FAM228B: variants seen among roughly 807,000 people sequenced by gnomAD.
The protein encoded by FAM228B is protein FAM228B.
In FAM228B, 38 loss-of-function variants were observed where a neutral mutation model predicts 42.6. The ratio of observed to expected loss-of-function variants is 0.89; its 90% CI spans 0.69 to 1.17. FAM228B has a LOEUF of 1.17. Among genes scored for constraint, FAM228B ranks in the 50% most tolerant of loss-of-function variants. The pLI is 0.00. For missense variants in FAM228B, 344 were observed against 367.3 expected (o/e 0.94, Z 0.52); for synonymous variants, 109 against 122.3 (o/e 0.89, Z 0.72).
At position 24,104,484 on chromosome 2, in the gene FAM228B, G is replaced by A. The variant is rs1665667438; in HGVS notation, c.-121+9255G>A. Among the ~76,000 whole-genome samples, 3 of 152,326 alleles carry A rather than the reference G, an allele frequency of 2.0e-5. No individual in the cohort carries two copies. In the South Asian group the frequency reaches 6.2e-4, roughly 32 times the overall value. ...GGACTCAACACCAGCCTCTAGCCCA[G>A]TAGTCTCACTTCAGCCTGAACTCGG... On this transcript the variant is annotated intron_variant, in intron 3 of 10. Transcript: ENST00000613899.
chr2:24,107,829 T>G lies in FAM228B; in HGVS notation c.-121+12600T>G, dbSNP rs556115813. ...TAAATGCCCACATGAAACAGACAGA[T>G]CCCAAATTAACAACCTAATATTACA... is the stretch of plus-strand genomic sequence containing the variant. On this transcript the variant is annotated intron_variant, in intron 3 of 10. Transcript: ENST00000613899. 2.0e-5 allele frequency among the ~76,000 whole-genome samples: 3 copies of G among 151,972 alleles called. No homozygotes were observed. The East Asian group carries it at 5.8e-4, about 29-fold the overall frequency.
Position 24,080,755 on chromosome 2 carries a change from A to G in FAM228B, c.-289-121A>G. The G allele has an allele frequency of 6.2e-7, 1 of 1,601,246 alleles. No homozygotes were observed. Among genetic ancestry groups the G allele is most frequent in the Non-Finnish European group, 8.5e-7 (1 of 1,170,298 alleles). The stretch of plus-strand genomic sequence containing the variant: ...GATACACAGCACTGGCAACTTTGAG[A>G]CTGGTGGGGCTTTTATTTAATCATC... On this transcript the variant is annotated intron_variant, in intron 1 of 10. Transcript: ENST00000613899. This position sits in a 1 kb window ranked among gnomAD's most constrained non-coding sequence, Gnocchi z 4.7.
chr2:24,081,975 G>T (rs183075274), intron 2 of FAM228B, among the ~76,000 whole-genome samples: 1 of 151,802 alleles, frequency 6.6e-6, no homozygotes, highest in Non-Finnish European at 1.5e-5. Flanking sequence ...GATTACAGGC[G>T]TGAGCCACCA....
intron 1 of FAM228B, chr2:24,079,590 TCTC>T (rs765541321): frequency 6.2e-7 from 1 of 1,614,108 alleles, no homozygotes; most frequent in South Asian, 1.1e-5. Flanking sequence ...TTGACGTTCT[TCTC>T]CCAGTAGGAT....
intron 2 of FAM228B, among the ~76,000 whole-genome samples, chr2:24,093,518 A>G (rs192997533): frequency 4.6e-4 from 70 of 152,118 alleles, no homozygotes; most frequent in African/African-American, 1.6e-3. Flanking sequence ...TCCATGGTGT[A>G]TATGTATCAT....
At chr2:24,115,111 G>T (rs1240460548) in intron 3 of FAM228B, among the ~76,000 whole-genome samples, 1 of 152,208 alleles carries the variant, frequency 6.6e-6, no homozygotes, top group Non-Finnish European at 1.5e-5. Flanking sequence ...TATTACAGGA[G>T]GGGTAACACT....
intron 2 of FAM228B, among the ~76,000 whole-genome samples, chr2:24,132,464 G>GTT (rs548264853): frequency 0.014 from 792 of 55,992 alleles, 106 homozygotes; most frequent in African/African-American, 0.028. Context: ...TCCTGGGATT[G>GTT]TTTTTTTTTT....
intron 7 of FAM228B, among the ~76,000 whole-genome samples, chr2:24,155,502 T>A (rs1573781075): frequency 3.1e-5 from 2 of 65,072 alleles, no homozygotes; most frequent in African/African-American, 9.1e-5. Context: ...TTGAAGACCA[T>A]GCATATATAT....
chr2:24,091,350 G>A (rs550956388), intron 2 of FAM228B, among the ~76,000 whole-genome samples: 3 of 152,150 alleles, frequency 2.0e-5, no homozygotes, highest in South Asian at 2.1e-4. Flanking sequence ...GGAGAATGGC[G>A]TGAACCCGGG....
At chr2:24,105,707 T>C (rs575465717) in intron 3 of FAM228B, among the ~76,000 whole-genome samples, 1 of 152,254 alleles carries the variant, frequency 6.6e-6, no homozygotes, top group African/African-American at 2.4e-5. Context: ...CCAAGGAAGC[T>C]AATAATCACA....
intron 5 of FAM228B, among the ~76,000 whole-genome samples, chr2:24,143,709 T>A (rs557665482): frequency 6.2e-4 from 94 of 152,294 alleles, no homozygotes; most frequent in Non-Finnish European, 1.1e-3. Context: ...TAGAAAGATA[T>A]GTTAAACATA....
rs535039093 is a variant in FAM228B at position 24,117,559 on chromosome 2, CAGCCTCCTG to C, written c.-120-17556_-120-17548del. On this transcript the variant is annotated intron_variant, in intron 3 of 10. Transcript: ENST00000613899. The stretch of plus-strand genomic sequence containing the variant: ...CTGGGTTCAGGTGATTCTCCTGCCT[CAGCCTCCTG>C]AGCAGCAGGGATTACAGGTACCCAC... 1.1e-4 allele frequency among the ~76,000 whole-genome samples: 16 copies of C among 152,140 alleles called. No homozygotes were observed. The South Asian group carries it at 2.5e-3, about 24-fold the overall frequency.
intron 3 of FAM228B, 148 bp downstream of exon 3, chr2:24,135,335 G>A: frequency 1.8e-6 from 1 of 547,202 alleles, no homozygotes. Context: ...AACCTTAAGG[G>A]ATCTCTGAAA....
chr2:24,091,311 T>G (rs1017355313), intron 2 of FAM228B, among the ~76,000 whole-genome samples: 1 of 152,172 alleles, frequency 6.6e-6, no homozygotes, highest in Admixed American at 6.5e-5. Flanking sequence ...CGGGCGCCAG[T>G]AGTCCCAGCT....
chr2:24,083,660 A>G (rs1665116285), intron 2 of FAM228B, among the ~76,000 whole-genome samples: 1 of 152,156 alleles, frequency 6.6e-6, no homozygotes, highest in South Asian at 2.1e-4. Context: ...AATGACCCCA[A>G]CCAATGCAGC....
chr2:24,112,844 T>C (rs980516540), intron 3 of FAM228B, among the ~76,000 whole-genome samples: 7 of 152,130 alleles, frequency 4.6e-5, no homozygotes, highest in African/African-American at 1.7e-4. Context: ...ACATGGAACC[T>C]CTCACCATTC....
intron 3 of FAM228B, among the ~76,000 whole-genome samples, chr2:24,108,153 G>A (rs1159722286): frequency 6.6e-6 from 1 of 152,172 alleles, no homozygotes; most frequent in African/African-American, 2.4e-5. Flanking sequence ...ATACCTCTAT[G>A]CACACAAACT....
rs1190570411 is a variant in FAM228B at position 24,095,414 on chromosome 2, C to T, written c.-121+185C>T. 6.6e-6 allele frequency: 1 copy of T among 152,242 alleles called. No homozygotes were observed. The highest frequency in any genetic ancestry group is 2.4e-5 in the African/African-American group (1 of 41,460). The allele number at this position is 152,242 out of a possible 1,614,324, so 9.4% of individuals were successfully genotyped here. On this transcript the variant is annotated intron_variant, in intron 3 of 10. Transcript: ENST00000613899. The surrounding 1 kb of genome is among the most constrained non-coding windows in gnomAD (Gnocchi z 4.8). The stretch of plus-strand genomic sequence containing the variant: ...GGGACACTCCTGCCCAAATACTGCA[C>T]TTTTCCCAAGATCTTAGCCACCGGC...
rs781206757 is a variant in FAM228B, at chr2:24,077,741, A to C, written c.-290+772A>C. 1 of 1,613,840 alleles carries C rather than the reference A, an allele frequency of 6.2e-7. No homozygotes were observed. The highest frequency in any genetic ancestry group is 1.1e-5 in the South Asian group (1 of 91,048). ...GAGGCAGAATTTGCTCCGTGAAAGC[A>C]TTCACCAGCATTTGCTTGTACTAAG... is the stretch of plus-strand genomic sequence containing the variant. On this transcript the variant is annotated intron_variant, in intron 1 of 10. Transcript: ENST00000613899. The surrounding 1 kb of genome is among the most constrained non-coding windows in gnomAD (Gnocchi z 5.5).
Sources: gnomAD v4.1 joint callset for allele counts (sites outside exome capture counted in the v4.1 genomes callset) on GRCh38, gnomAD v4.1.1 for gene constraint, Gnocchi (gnomAD v3.1) non-coding constraint, MANE v1.5 for transcripts, NCBI Gene and HGNC (gene_info 2026-07-23, HGNC 2026-07-21) for gene names.